Variants in PHF21B observed in about 807,000 individuals in gnomAD.
PHF21B encodes PHD finger protein 4.
A neutral mutation model predicts 62.2 loss-of-function variants in PHF21B; 22 were observed. The ratio of observed to expected loss-of-function variants is 0.35; its 90% confidence interval spans 0.25 to 0.51. PHF21B has a LOEUF of 0.51. PHF21B is among the 20% of genes least tolerant of loss of function. The pLI, the probability that PHF21B is intolerant of heterozygous loss-of-function variation, is 0.97. For missense variants in PHF21B, 701 were observed against 707.9 expected (o/e 0.99, Z 0.11); for synonymous variants, 341 against 314.7 (o/e 1.08, Z -0.88).
Position 44,882,905 on chromosome 22 carries a change from C to T in PHF21B, c.*181G>A, listed in dbSNP as rs534430892. On this transcript the variant is annotated 3_prime_UTR_variant, in exon 13 of 13. Transcript: ENST00000313237. Reference sequence around the variant, plus strand: ...CCTGTGAATTTGGAGGGCACAGGGCCGCACCCCCACCTGGTCCTGGCTCTA... The same window carrying T: ...CCTGTGAATTTGGAGGGCACAGGGCTGCACCCCCACCTGGTCCTGGCTCTA... 468 of 726,932 alleles carry T rather than the reference C, an allele frequency of 6.4e-4. 9 individuals are homozygous for T. The South Asian group carries it at 7.2e-3, about 11-fold the overall frequency. The allele number at this position is 726,932 out of a possible 1,614,324, so 45.0% of individuals were successfully genotyped here.
intron 2 of PHF21B, among the ~76,000 whole-genome samples, chr22:44,936,954 C>T (rs1377938260): frequency 6.7e-6 from 1 of 149,902 alleles, no homozygotes; most frequent in Non-Finnish European, 1.5e-5. Context: ...CTTACTGCAA[C>T]CTCCACCTCC....
intron 2 of PHF21B, among the ~76,000 whole-genome samples, chr22:44,951,127 T>C (rs2072185590): frequency 6.6e-6 from 1 of 152,212 alleles, no homozygotes; most frequent in Admixed American, 6.5e-5. Context: ...GATATGGTTT[T>C]GATATGAGTC....
At chr22:44,963,345 A>G (rs2072462520) in intron 2 of PHF21B, among the ~76,000 whole-genome samples, 1 of 152,250 alleles carries the variant, frequency 6.6e-6, no homozygotes, top group African/African-American at 2.4e-5. Flanking sequence ...ATGACCCACC[A>G]TGCTGAACTG....
intron 5 of PHF21B, among the ~76,000 whole-genome samples, chr22:44,899,792 GGTTA>G (rs1398058359): frequency 6.6e-6 from 1 of 152,078 alleles, no homozygotes; most frequent in Non-Finnish European, 1.5e-5. Flanking sequence ...GCTTCTAACA[GGTTA>G]CTGTGTTGCT....
intron 2 of PHF21B, among the ~76,000 whole-genome samples, chr22:44,960,328 T>C (rs2072392711): frequency 6.6e-6 from 1 of 152,132 alleles, no homozygotes; most frequent in Non-Finnish European, 1.5e-5. Context: ...ATCTCTTTTT[T>C]CCTTCACTGC....
intron 2 of PHF21B, among the ~76,000 whole-genome samples, chr22:44,964,194 A>G (rs59804138): frequency 0.024 from 3,608 of 152,212 alleles, 146 homozygotes; most frequent in African/African-American, 0.081. Flanking sequence ...GATTCAATAT[A>G]CTCGTTAATA....
At chr22:44,971,884 C>T (rs1002055763) in intron 2 of PHF21B, among the ~76,000 whole-genome samples, 1 of 152,220 alleles carries the variant, frequency 6.6e-6, no homozygotes, top group African/African-American at 2.4e-5. Context: ...TGGTCCAGCA[C>T]AAAGTAAGGC....
At chr22:45,001,415 C>T (rs2073215695) in intron 2 of PHF21B, 1 of 152,636 alleles carries the variant, frequency 6.6e-6, no homozygotes, top group Non-Finnish European at 1.5e-5. Context: ...AATGTCACCT[C>T]CCTGGAGCTG....
chr22:44,962,879 C>T (rs1347543904), intron 2 of PHF21B, among the ~76,000 whole-genome samples: 2 of 152,160 alleles, frequency 1.3e-5, no homozygotes, highest in Non-Finnish European at 2.9e-5. Flanking sequence ...TACAAGAACA[C>T]CTCATAGCAC....
intron 2 of PHF21B, among the ~76,000 whole-genome samples, chr22:44,922,038 T>A (rs1331540658): frequency 6.6e-6 from 1 of 152,166 alleles, no homozygotes; most frequent in Non-Finnish European, 1.5e-5. Flanking sequence ...CTTGCTCAGA[T>A]CCAGTCAAAC....
In PHF21B at chr22:45,009,734, G is replaced by T. The variant is rs2073390664; in HGVS notation, c.-185C>A. 1.6e-5 allele frequency: 8 copies of T among 491,762 alleles called. No homozygotes were observed. Among genetic ancestry groups the T allele is most frequent in the Non-Finnish European group, 3.5e-6 (1 of 289,442 alleles). The allele number at this position is 491,762 out of a possible 1,614,324, so 30.5% of individuals were successfully genotyped here. ...GGCGAAGGGGAAGACAGGCTTCCGG[G>T]CGCCGCGGCGCCGAGCCCTCGGCTG... On this transcript the variant is annotated 5_prime_UTR_variant, in exon 1 of 13. Transcript: ENST00000313237. The surrounding 1 kb of genome is among the most constrained non-coding windows in gnomAD (Gnocchi z 5.9).
Position 44,889,782 on chromosome 22 carries a change from G to T in PHF21B, c.1016C>A (p.Ala339Asp), listed in dbSNP as rs1206247874. 6.4e-7 allele frequency: 1 copy of T among 1,561,224 alleles called. No individual in the cohort carries two copies. The highest frequency in any genetic ancestry group is 1.4e-5 in the African/African-American group (1 of 71,080). ...LNNPLFLTAR[A>D]NEDPCWKNEI... is the part of the protein sequence containing the mutation. ...TACCTTCCAGCAGGGGTCCTCATTGGCTAGCACAGGGAAGAAGGGCGGAGA... is the reference window on the plus strand; with the variant it reads ...TACCTTCCAGCAGGGGTCCTCATTGTCTAGCACAGGGAAGAAGGGCGGAGA... The change falls in exon 9 of 13, where the codon GCC (alanine) becomes GAC (aspartate). Residue 339 changes from alanine to aspartate, a missense_variant and splice_region_variant. Physicochemically the swap from Ala to Asp is moderately radical, Grantham distance 126 (BLOSUM62 -2). Coordinates refer to ENST00000313237, the MANE Select transcript of PHF21B (RefSeq NM_138415.5).
chr22:44,960,956 A>ATTTTTTTTTT, intron 2 of PHF21B, among the ~76,000 whole-genome samples: 1 of 120,916 alleles, frequency 8.3e-6, no homozygotes, highest in Non-Finnish European at 1.6e-5. Context: ...ACGTGAGTTG[A>ATTTTTTTTTT]TTTTTTTTTT....
At chr22:44,893,682 G>T in intron 6 of PHF21B, 149 bp from the exon 7 acceptor site, 1 of 728,324 alleles carries the variant, frequency 1.4e-6, no homozygotes, top group South Asian at 1.8e-5. Context: ...GGCCCAGGGT[G>T]GGTTAGGGCC....
intron 5 of PHF21B, among the ~76,000 whole-genome samples, chr22:44,900,057 G>C (rs1201318393): frequency 1.3e-5 from 2 of 152,164 alleles, no homozygotes; most frequent in South Asian, 2.1e-4. Flanking sequence ...AACTGCTACA[G>C]ATAAGCTCAT....
intron 2 of PHF21B, among the ~76,000 whole-genome samples, chr22:44,942,636 G>A (rs997403889): frequency 6.6e-6 from 1 of 152,168 alleles, no homozygotes; most frequent in Admixed American, 6.5e-5. Flanking sequence ...TGGCCCTGAG[G>A]ACACAGCCAA....
rs1373124471 is a variant in PHF21B, at chr22:45,001,051, C to A, written c.120+7494G>T. On this transcript the variant is annotated intron_variant, in intron 2 of 12. Transcript: ENST00000313237. ...AAGACACAGGAAGCTGGGCCGTGAA[C>A]CCCCGTGTGCTGACTATGGGGCCCT... The A allele has an allele frequency of 2.6e-5, 4 of 152,198 alleles. No individual in the cohort carries two copies. The East Asian group carries it at 7.7e-4, about 29-fold the overall frequency. 9.4% of individuals were successfully genotyped at this position (152,198 alleles called of 1,614,324 possible).
chr22:44,992,629 G>C (rs1173940586), intron 2 of PHF21B, among the ~76,000 whole-genome samples: 1 of 152,234 alleles, frequency 6.6e-6, no homozygotes, highest in Non-Finnish European at 1.5e-5. Flanking sequence ...CACCAACTCA[G>C]CCTGAGGCCG....
rs561474410 is a variant in PHF21B at position 44,939,236 on chromosome 22, T to C, written c.121-18746A>G. On this transcript the variant is annotated intron_variant, in intron 2 of 12. Coordinates refer to ENST00000313237, the MANE Select transcript of PHF21B (RefSeq NM_138415.5). ...GGACTGCGGGAAGCTGCACGACCCA[T>C]AGAGGCAGGAGACGCTCCTTCACCC... Among the ~76,000 whole-genome samples, 10 of 152,208 alleles carry C rather than the reference T, an allele frequency of 6.6e-5. No homozygotes were observed. In the South Asian group the frequency reaches 1.2e-3, roughly 19 times the overall value.
Sources: gnomAD v4.1 joint callset for allele counts (sites outside exome capture counted in the v4.1 genomes callset) on GRCh38, gnomAD v4.1.1 for gene constraint, Gnocchi (gnomAD v3.1) non-coding constraint, MANE v1.5 for transcripts, NCBI Gene and HGNC (gene_info 2026-07-23, HGNC 2026-07-21) for gene names.